Variants in C10orf67 observed in about 807,000 individuals in gnomAD.
C10orf67 encodes the protein chromosome 10 open reading frame 67, also known as uncharacterized protein C10orf67, mitochondrial.
A neutral mutation model predicts 35.6 loss-of-function variants in C10orf67; 60 were observed. The ratio of observed to expected loss-of-function variants is 1.68; its 90% confidence interval spans 1.37 to 2.09. C10orf67 has a LOEUF of 2.09. Among genes scored for constraint, C10orf67 ranks in the 30% most tolerant of loss-of-function variants. The pLI is 0.00. For synonymous variants in C10orf67, 167 were observed against 115.8 expected (o/e 1.44, Z -2.84); for missense variants, 474 against 330.2 (o/e 1.44, Z -3.38).
At chr10:23,209,304 T>C (rs909310357) in intron 15 of C10orf67, among the ~76,000 whole-genome samples, 2 of 151,744 alleles carry the variant, frequency 1.3e-5, no homozygotes, top group African/African-American at 2.4e-5. Context: ...AGGGGCAAAA[T>C]TGATCAAGCA....
intron 2 of C10orf67, among the ~76,000 whole-genome samples, chr10:23,331,182 AG>A (rs1845440814): frequency 3.3e-5 from 1 of 30,058 alleles, no homozygotes; most frequent in Non-Finnish European, 7.9e-5. Context: ...GGGACGGGGA[AG>A]GGAAGGGAAG....
intron 4 of C10orf67, chr10:23,317,042 C>T (rs1042539808): frequency 5.2e-5 from 8 of 152,716 alleles, no homozygotes; most frequent in Non-Finnish European, 8.8e-5. Context: ...GGGAGCCTGT[C>T]GCTTCCTGCT....
At chr10:23,296,230 A>G (rs1007339446) in intron 5 of C10orf67, among the ~76,000 whole-genome samples, 1 of 152,148 alleles carries the variant, frequency 6.6e-6, no homozygotes, top group African/African-American at 2.4e-5. Context: ...TAGAGTGGAA[A>G]CAGGGCTCCC....
intron 15 of C10orf67, among the ~76,000 whole-genome samples, chr10:23,218,176 G>A (rs1841480100): frequency 6.6e-6 from 1 of 152,140 alleles, no homozygotes; most frequent in Admixed American, 6.6e-5. Flanking sequence ...GACAGTCTTT[G>A]TTGCCCAGGC....
intron 10 of C10orf67, among the ~76,000 whole-genome samples, chr10:23,254,537 T>C (rs1048740836): frequency 6.6e-6 from 1 of 152,206 alleles, no homozygotes; most frequent in African/African-American, 2.4e-5. Flanking sequence ...ATTATAAATA[T>C]TTCTCATTCT....
intron 13 of C10orf67, among the ~76,000 whole-genome samples, chr10:23,227,512 C>G (rs1443574414): frequency 6.6e-6 from 1 of 152,166 alleles, no homozygotes; most frequent in Non-Finnish European, 1.5e-5. Context: ...GAAGCAGTCC[C>G]TTTGAAAACT....
chr10:23,340,425 T>C (rs1224237230), intron 1 of C10orf67, among the ~76,000 whole-genome samples: 1 of 150,712 alleles, frequency 6.6e-6, no homozygotes, highest in Non-Finnish European at 1.5e-5. Flanking sequence ...GAGGCTGAAG[T>C]GAGAGGATCC....
intron 12 of C10orf67, among the ~76,000 whole-genome samples, chr10:23,244,949 A>G (rs1842281946): frequency 6.6e-6 from 1 of 152,238 alleles, no homozygotes; most frequent in Admixed American, 6.5e-5. Flanking sequence ...CTGATTTGAG[A>G]AACTATGTTA....
chr10:23,211,478 T>G lies in C10orf67; in HGVS notation c.1571-7223A>C, dbSNP rs1005292310. 9.7e-4 allele frequency among the ~76,000 whole-genome samples: 143 copies of G among 147,484 alleles called. 1 individual carries two copies. Among genetic ancestry groups the G allele is most frequent in the Admixed American group, 9.5e-3 (136 of 14,336 alleles). ...GGCGGTGTGTGTGTGTGTGTGTGTG[T>G]GGGGGGGGGGGGTATCACAATTCAA... On this transcript the variant is annotated intron_variant, in intron 15 of 15. Transcript: ENST00000636213.
chr10:23,212,210 C>T (rs552397712), intron 15 of C10orf67, among the ~76,000 whole-genome samples: 19 of 152,304 alleles, frequency 1.2e-4, no homozygotes, highest in African/African-American at 3.6e-4. Flanking sequence ...AGCTAGGAGA[C>T]GGTCATGGGA....
intron 7 of C10orf67, among the ~76,000 whole-genome samples, chr10:23,289,232 T>C (rs1843640451): frequency 1.3e-5 from 2 of 152,174 alleles, no homozygotes; most frequent in South Asian, 4.1e-4. Flanking sequence ...GGTGCAATTC[T>C]AGTTCACTGC....
chr10:23,252,285 C>T (rs1469867644), intron 10 of C10orf67, among the ~76,000 whole-genome samples: 2 of 151,858 alleles, frequency 1.3e-5, no homozygotes, highest in South Asian at 2.1e-4. Context: ...TTATTTGTTC[C>T]TTTTAATAAA....
chr10:23,280,460 C>T (rs1843336181), intron 8 of C10orf67, among the ~76,000 whole-genome samples: 1 of 152,088 alleles, frequency 6.6e-6, no homozygotes, highest in Non-Finnish European at 1.5e-5. Context: ...AACAGAATGC[C>T]TTGCAGGGAT....
At chr10:23,213,577 A>G (rs1841364656) in intron 15 of C10orf67, among the ~76,000 whole-genome samples, 1 of 152,208 alleles carries the variant, frequency 6.6e-6, no homozygotes, top group African/African-American at 2.4e-5. Context: ...AGAGTGAGGT[A>G]AAAATTAAGG....
intron 4 of C10orf67, chr10:23,318,670 A>G: frequency 2.1e-6 from 1 of 477,968 alleles, no homozygotes. Context: ...AGTTTGGCAC[A>G]GAGTCACAGA....
chr10:23,283,400 G>A (rs961095543), intron 7 of C10orf67, among the ~76,000 whole-genome samples: 3 of 152,130 alleles, frequency 2.0e-5, no homozygotes, highest in Non-Finnish European at 2.9e-5. Context: ...CATCCCCAGT[G>A]TCACTGTTCT....
intron 8 of C10orf67, among the ~76,000 whole-genome samples, chr10:23,280,261 G>C (rs1843330938): frequency 6.6e-6 from 1 of 152,168 alleles, no homozygotes. Context: ...TAATAGACAA[G>C]CATGTAACAA....
chr10:23,326,670 A>G (rs1845207199), intron 2 of C10orf67, among the ~76,000 whole-genome samples: 1 of 152,170 alleles, frequency 6.6e-6, no homozygotes, highest in Non-Finnish European at 1.5e-5. Flanking sequence ...TAATGTATGT[A>G]TAATAGATGC....
intron 12 of C10orf67, among the ~76,000 whole-genome samples, chr10:23,243,240 T>A (rs900534119): frequency 7.9e-5 from 12 of 152,138 alleles, no homozygotes; most frequent in Admixed American, 7.9e-4. Context: ...AATAGATACA[T>A]CTATAATCAT....
Sources: allele counts gnomAD v4.1 joint callset (sites outside exome capture counted in the v4.1 genomes callset), GRCh38; gene constraint gnomAD v4.1.1; transcripts MANE v1.5; gene names NCBI Gene and HGNC (gene_info 2026-07-23, HGNC 2026-07-21).